Variants in DCT observed in about 807,000 individuals in gnomAD.
The protein encoded by DCT is dopachrome tautomerase, also known as L-dopachrome tautomerase.
In DCT, 47 loss-of-function variants were observed where a neutral mutation model predicts 53.0. That is an observed-to-expected ratio of 0.89 (90% CI 0.70 to 1.13). The LOEUF (loss-of-function observed/expected upper bound fraction) is 1.13, where lower values mean the gene tolerates loss of function less well. Ranked by LOEUF, DCT falls within the 50% of genes most tolerant of loss-of-function variation. The pLI is 0.00. For missense variants in DCT, 669 were observed against 637.4 expected, an observed-to-expected ratio of 1.05 and a Z score of -0.53; for synonymous variants, 244 against 237.0, an observed-to-expected ratio of 1.03 and a Z score of -0.27.
chr13:94,465,966 T>C (rs1476538639), intron 3 of DCT, among the ~76,000 whole-genome samples, 167 bp from the exon 4 acceptor site: 1 of 94,682 alleles, frequency 1.1e-5, no homozygotes, highest in Non-Finnish European at 2.0e-5. Flanking sequence ...TGTGTGTATA[T>C]TTTATATATA....
At chr13:94,513,412 C>T in the DCT span, among the ~76,000 whole-genome samples, 13 of 152,134 alleles carry the variant, frequency 8.5e-5, no homozygotes, top group Admixed American at 3.9e-4. Context: ...ACAGTTTTAT[C>T]GGTGTCTGTG....
rs138139141 is a variant in DCT at position 94,458,685 on chromosome 13, C to T, written c.1179+1406G>A. ...GGCGTGGTGGCGTGCAACTGTAGTCCCAGCTACTTGGGAGGCTGAGGCAGA... is the reference window on the plus strand; with the variant it reads ...GGCGTGGTGGCGTGCAACTGTAGTCTCAGCTACTTGGGAGGCTGAGGCAGA... On this transcript the variant is annotated intron_variant, in intron 6 of 7. Coordinates refer to ENST00000377028, the MANE Select transcript of DCT (RefSeq NM_001922.5). 4.5e-3 allele frequency among the ~76,000 whole-genome samples: 680 copies of T among 151,992 alleles called. 4 individuals carry two copies. The highest frequency in any genetic ancestry group is 0.016 in the African/African-American group (665 of 41,458).
the DCT span, among the ~76,000 whole-genome samples, chr13:94,528,413 G>A: frequency 1.2e-4 from 19 of 152,266 alleles, no homozygotes; most frequent in Middle Eastern, 3.4e-3. Flanking sequence ...ACCCACAAAG[G>A]GAAGCCCATC....
At chr13:94,524,492 C>T in the DCT span, among the ~76,000 whole-genome samples, 1 of 152,226 alleles carries the variant, frequency 6.6e-6, no homozygotes, top group Non-Finnish European at 1.5e-5. Context: ...GGCCTGGAGA[C>T]CCTTTAGATA....
the DCT span, among the ~76,000 whole-genome samples, chr13:94,515,044 T>C: frequency 6.6e-6 from 1 of 152,140 alleles, no homozygotes; most frequent in African/African-American, 2.4e-5. Flanking sequence ...GAAAAGAGAC[T>C]GCAGAAAAAT....
intron 7 of DCT, among the ~76,000 whole-genome samples, chr13:94,442,363 G>C (rs1882388093): frequency 6.6e-6 from 1 of 152,146 alleles, no homozygotes; most frequent in Non-Finnish European, 1.5e-5. Flanking sequence ...CTGGAGTGCA[G>C]TGGCACAAAC....
At chr13:94,465,233 T>C (rs1884090212) in intron 4 of DCT, among the ~76,000 whole-genome samples, 1 of 152,232 alleles carries the variant, frequency 6.6e-6, no homozygotes, top group South Asian at 2.1e-4. Flanking sequence ...TTCCCGGCAG[T>C]ACCACATCAC....
At chr13:94,523,643 C>T in the DCT span, among the ~76,000 whole-genome samples, 2 of 152,182 alleles carry the variant, frequency 1.3e-5, no homozygotes, top group African/African-American at 4.8e-5. Flanking sequence ...CTTCATATCT[C>T]CCTGGCTAAA....
the DCT span, among the ~76,000 whole-genome samples, chr13:94,525,928 T>C: frequency 1.6e-4 from 25 of 152,370 alleles, 1 homozygote; most frequent in African/African-American, 5.3e-4. Flanking sequence ...TTTGGCTGCA[T>C]ACACGTGTTG....
the DCT span, among the ~76,000 whole-genome samples, chr13:94,543,229 TAACGAG>T: frequency 4.6e-4 from 70 of 152,298 alleles, no homozygotes; most frequent in Non-Finnish European, 9.4e-4. Flanking sequence ...TGTTAAGAGA[TAACGAG>T]GTAATAGAAT....
chr13:94,531,755 C>G, the DCT span, among the ~76,000 whole-genome samples: 2 of 152,018 alleles, frequency 1.3e-5, no homozygotes, highest in Non-Finnish European at 2.9e-5. Flanking sequence ...ACTAAAACAC[C>G]GAAAGCAATG....
At chr13:94,513,987 CAAAAAAAA>C in the DCT span, among the ~76,000 whole-genome samples, 12 of 53,192 alleles carry the variant, frequency 2.3e-4, no homozygotes, top group South Asian at 1.0e-3. Context: ...AACTCTGTCT[CAAAAAAAA>C]AAAAAAAAAA....
At chr13:94,471,102 G>A (rs1025879741) in intron 1 of DCT, among the ~76,000 whole-genome samples, 1 of 152,200 alleles carries the variant, frequency 6.6e-6, no homozygotes, top group Non-Finnish European at 1.5e-5. Flanking sequence ...TATGACCATA[G>A]GGGAGGGGGA....
chr13:94,525,047 G>T, the DCT span, among the ~76,000 whole-genome samples: 2 of 152,058 alleles, frequency 1.3e-5, no homozygotes, highest in African/African-American at 4.8e-5. Context: ...TAACTGAGAA[G>T]AAACCAGCCC....
chr13:94,464,570 T>C (rs1345910457), intron 4 of DCT, among the ~76,000 whole-genome samples: 1 of 150,212 alleles, frequency 6.7e-6, no homozygotes, highest in African/African-American at 2.5e-5. Flanking sequence ...AACCAGGGAG[T>C]CGGAGGTTGC....
intron 6 of DCT, among the ~76,000 whole-genome samples, chr13:94,457,405 G>A (rs1327493699): frequency 6.6e-6 from 1 of 152,142 alleles, no homozygotes; most frequent in Non-Finnish European, 1.5e-5. Flanking sequence ...CAGCTAGAAG[G>A]CTCAGGAAGA....
At chr13:94,484,461 G>A (rs921309497), upstream of DCT, among the ~76,000 whole-genome samples, 16 of 152,160 alleles carry the variant, frequency 1.1e-4, no homozygotes, top group Non-Finnish European at 1.9e-4. Flanking sequence ...TCTTCTATTC[G>A]TATGGAATTG....
At chr13:94,460,503 C>G (rs909789716) in intron 5 of DCT, among the ~76,000 whole-genome samples, 3 of 152,164 alleles carry the variant, frequency 2.0e-5, no homozygotes, top group Admixed American at 2.0e-4. Flanking sequence ...AGAGCAGGCT[C>G]TATGTTTTCT....
At chr13:94,454,679 T>C (rs1287977889) in intron 6 of DCT, among the ~76,000 whole-genome samples, 2 of 152,196 alleles carry the variant, frequency 1.3e-5, no homozygotes, top group Non-Finnish European at 2.9e-5. Flanking sequence ...TTAATAAATG[T>C]CATGTGCAAT....
Sources: allele counts gnomAD v4.1 joint callset (sites outside exome capture counted in the v4.1 genomes callset), GRCh38; gene constraint gnomAD v4.1.1; transcripts MANE v1.5; gene names NCBI Gene and HGNC (gene_info 2026-07-23, HGNC 2026-07-21).